Variants in SGMS2 observed in about 807,000 individuals in gnomAD.
SGMS2 encodes sphingomyelin synthase 2.
In SGMS2, 21 loss-of-function variants were observed where a neutral mutation model predicts 43.8. The ratio of observed to expected loss-of-function variants is 0.48; its 90% confidence interval spans 0.34 to 0.69. The LOEUF is 0.69. Among genes scored for constraint, SGMS2 ranks in the 30% least tolerant of loss-of-function variants. The pLI is 0.01. For synonymous variants in SGMS2, 167 were observed against 160.6 expected, an observed-to-expected ratio of 1.04 and a Z score of -0.30; for missense variants, 384 against 443.2, an observed-to-expected ratio of 0.87 and a Z score of 1.20.
intron 5 of SGMS2, 132 bp downstream of exon 5, chr4:107,903,518 TATGTGA>T (rs879854559): frequency 1.2e-4 from 89 of 726,814 alleles, no homozygotes; most frequent in East Asian, 7.0e-4. Context: ...TGTATATATG[TATGTGA>T]ATGTGAATGT....
intron 5 of SGMS2, among the ~76,000 whole-genome samples, chr4:107,905,978 A>G (rs927494752): frequency 6.6e-6 from 1 of 152,222 alleles, no homozygotes; most frequent in African/African-American, 2.4e-5. Context: ...TTTGATTAGA[A>G]ATAGAGGGAC....
At chr4:107,891,112 T>C (rs981650349) in intron 2 of SGMS2, among the ~76,000 whole-genome samples, 1 of 102,692 alleles carries the variant, frequency 9.7e-6, no homozygotes, top group Non-Finnish European at 1.8e-5. Flanking sequence ...TTTTTTTCCT[T>C]TTTCTGGCTG....
At chr4:107,894,939 A>C (rs1383190545) in intron 2 of SGMS2, among the ~76,000 whole-genome samples, 2 of 152,140 alleles carry the variant, frequency 1.3e-5, no homozygotes, top group Non-Finnish European at 2.9e-5. Flanking sequence ...CAGTCTTAGG[A>C]AGGATTGATG....
intron 2 of SGMS2, among the ~76,000 whole-genome samples, chr4:107,880,751 G>T (rs879414807): frequency 2.6e-5 from 4 of 151,764 alleles, no homozygotes; most frequent in African/African-American, 4.8e-5. Flanking sequence ...CTACACAGGA[G>T]GCTGAGGCAT....
In SGMS2 at chr4:107,899,757, A is replaced by G. The variant is rs928602111; in HGVS notation, c.573+65A>G. 6 of 1,067,128 alleles carry G rather than the reference A, an allele frequency of 5.6e-6. No homozygotes were observed. The Admixed American group carries it at 1.3e-4, about 22-fold the overall frequency. The allele number at this position is 1,067,128 out of a possible 1,614,324, so 66.1% of individuals were successfully genotyped here. ...AACAGTTATTGATCACTTACCCTGT[A>G]TTATACATTCTTCTAGACACTTCCC... On this transcript the variant is annotated intron_variant, in intron 4 of 6. Transcript: ENST00000690982.
At chr4:107,854,369 A>G (rs111710372) in intron 1 of SGMS2, among the ~76,000 whole-genome samples, 1,651 of 152,024 alleles carry the variant, frequency 0.011, 38 homozygotes, top group African/African-American at 0.038. Context: ...AGCTTTTGTA[A>G]TTCATAAAAG....
intron 2 of SGMS2, among the ~76,000 whole-genome samples, chr4:107,885,492 T>C (rs1397203050): frequency 6.6e-6 from 1 of 152,186 alleles, no homozygotes; most frequent in East Asian, 1.9e-4. Context: ...GTAATATATG[T>C]TCTAATACCT....
intron 2 of SGMS2, chr4:107,863,575 A>C (rs969206219): frequency 3.3e-5 from 5 of 152,230 alleles, no homozygotes; most frequent in African/African-American, 1.2e-4. Flanking sequence ...GTCTTTCAGC[A>C]CTGCATACTT....
rs1050498564 is a variant in SGMS2, at chr4:107,912,775, T to A, written c.*2222T>A. On this transcript the variant is annotated 3_prime_UTR_variant, in exon 7 of 7. Transcript: ENST00000690982. ...TTAGTCAAGTAATCCAGTTTTTTTT[T>A]AATTTAAAAAAAACCATCACCTTTT... is the stretch of plus-strand genomic sequence containing the variant. 2 of 152,122 alleles carry A rather than the reference T, an allele frequency of 1.3e-5. No homozygotes were observed. Among genetic ancestry groups the A allele is most frequent in the Admixed American group, 6.6e-5 (1 of 15,264 alleles). The allele number at this position is 152,122 out of a possible 1,614,324, so 9.4% of individuals were successfully genotyped here. A position where few individuals can be genotyped will look rare whatever the true frequency, so the allele number is the denominator to read the frequency against.
chr4:107,877,908 CTTTTCT>C (rs1356071471), intron 2 of SGMS2, among the ~76,000 whole-genome samples: 1 of 124,350 alleles, frequency 8.0e-6, no homozygotes, highest in Non-Finnish European at 1.7e-5. Context: ...CTTTCTTTTT[CTTTTCT>C]TTTTTTTTTT....
chr4:107,866,590 A>C (rs931084993), intron 2 of SGMS2, among the ~76,000 whole-genome samples: 4 of 151,954 alleles, frequency 2.6e-5, no homozygotes, highest in Non-Finnish European at 5.9e-5. Context: ...AAACAAAAAA[A>C]AAACAAACCA....
At chr4:107,866,659 G>A (rs527828265) in intron 2 of SGMS2, among the ~76,000 whole-genome samples, 1 of 151,768 alleles carries the variant, frequency 6.6e-6, no homozygotes, top group South Asian at 2.1e-4. Flanking sequence ...GGTGTTCTGA[G>A]CACTAGATCA....
At position 107,862,183 on chromosome 4, in the gene SGMS2, C is replaced by T. The variant is rs1202452158; in HGVS notation, c.-245+3630C>T. Among the ~76,000 whole-genome samples, 7 of 152,070 alleles carry T rather than the reference C, an allele frequency of 4.6e-5. 1 individual carries two copies. In the East Asian group the frequency reaches 7.7e-4, roughly 17 times the overall value. The stretch of plus-strand genomic sequence containing the variant: ...AGACCTAAAATAATAGAGGAAAAGC[C>T]GTAACTGTCGGAGAATGTATATGGA... On this transcript the variant is annotated intron_variant, in intron 2 of 6. Transcript: ENST00000690982.
intron 1 of SGMS2, among the ~76,000 whole-genome samples, chr4:107,839,608 TA>T (rs1168920554): frequency 1.3e-5 from 2 of 152,166 alleles, no homozygotes; most frequent in African/African-American, 4.8e-5. Flanking sequence ...CCGTGGTATA[TA>T]AATGGCTATA....
rs1334782682 is a variant in SGMS2 at position 107,852,843 on chromosome 4, T to C, written c.-326-5629T>C. On this transcript the variant is annotated intron_variant, in intron 1 of 6. Transcript: ENST00000690982. Reference sequence around the variant, plus strand: ...GGAGGTTTATAGAATATATGAAATATATTTTACAATAGCCCTGGAAAGCAG... The same window carrying C: ...GGAGGTTTATAGAATATATGAAATACATTTTACAATAGCCCTGGAAAGCAG... Among the ~76,000 whole-genome samples, 3 of 152,138 alleles carry C rather than the reference T, an allele frequency of 2.0e-5. No individual in the cohort carries two copies. In the East Asian group the frequency reaches 5.8e-4, roughly 29 times the overall value.
chr4:107,861,704 AAGG>A (rs2126033189), intron 2 of SGMS2, among the ~76,000 whole-genome samples: 1 of 152,312 alleles, frequency 6.6e-6, no homozygotes, highest in South Asian at 2.1e-4. Context: ...GGAGGAGATA[AAGG>A]ATTAACATGT....
intron 2 of SGMS2, 27 bp from the exon 3 acceptor site, chr4:107,895,283 C>A (rs1224632800): frequency 2.5e-6 from 1 of 401,012 alleles, no homozygotes; most frequent in African/African-American, 2.0e-5. Context: ...AGCATAGTTT[C>A]TGAACATAAT....
chr4:107,838,844 G>T (rs1223216537), intron 1 of SGMS2, among the ~76,000 whole-genome samples: 1 of 152,024 alleles, frequency 6.6e-6, no homozygotes, highest in Non-Finnish European at 1.5e-5. Flanking sequence ...AGCAAATGAA[G>T]AGCCCAGGTT....
intron 2 of SGMS2, among the ~76,000 whole-genome samples, chr4:107,870,081 T>A (rs1417246765): frequency 6.6e-6 from 1 of 152,244 alleles, no homozygotes; most frequent in Non-Finnish European, 1.5e-5. Flanking sequence ...CTCAATACTT[T>A]TACGTTGTAC....
Sources: gnomAD v4.1 joint callset for allele counts (sites outside exome capture counted in the v4.1 genomes callset) on GRCh38, gnomAD v4.1.1 for gene constraint, MANE v1.5 for transcripts, NCBI Gene and HGNC (gene_info 2026-07-23, HGNC 2026-07-21) for gene names.